MGAT5: variants seen among roughly 807,000 people sequenced by gnomAD.
The protein encoded by MGAT5 is alpha-1,6-mannosylglycoprotein 6-beta-N-acetylglucosaminyltransferase A.
A neutral mutation model predicts 94.3 loss-of-function variants in MGAT5; 30 were observed. That is an observed-to-expected ratio of 0.32 (90% CI 0.24 to 0.43). The LOEUF is 0.43. Among genes scored for constraint, MGAT5 ranks in the 20% least tolerant of loss-of-function variants. The pLI, the probability that MGAT5 is intolerant of heterozygous loss-of-function variation, is 1.00. For synonymous variants in MGAT5, 310 were observed against 322.9 expected (o/e 0.96, Z 0.43); for missense variants, 691 against 905.5 (o/e 0.76, Z 3.04).
At chr2:134,191,005 C>T (rs1274158220) in intron 1 of MGAT5, among the ~76,000 whole-genome samples, 2 of 152,178 alleles carry the variant, frequency 1.3e-5, no homozygotes, top group African/African-American at 4.8e-5. Flanking sequence ...CCAGGCTGGT[C>T]TCCAATTCCT....
chr2:134,419,898 G>A (rs1294981361), intron 12 of MGAT5, among the ~76,000 whole-genome samples: 1 of 152,092 alleles, frequency 6.6e-6, no homozygotes, highest in Non-Finnish European at 1.5e-5. Flanking sequence ...CCCTGATTCC[G>A]TCAGAAAATC....
chr2:134,317,672 T>G (rs987942106), intron 3 of MGAT5, 67 bp downstream of exon 3: 7 of 1,094,488 alleles, frequency 6.4e-6, no homozygotes, highest in Non-Finnish European at 8.9e-6. Context: ...TCTCTTCCTT[T>G]TCCTCCTCAG....
Position 134,451,452 on chromosome 2 carries a change from C to T in MGAT5, c.*2605C>T, listed in dbSNP as rs1686105393. 1 of 152,250 alleles carries T rather than the reference C, an allele frequency of 6.6e-6. No individual in the cohort carries two copies. Among genetic ancestry groups the T allele is most frequent in the African/African-American group, 2.4e-5 (1 of 41,452 alleles). The allele number at this position is 152,250 out of a possible 1,614,324, so 9.4% of individuals were successfully genotyped here. The stretch of plus-strand genomic sequence containing the variant: ...CCTGAATGTGTACTGGCTCCCAGGC[C>T]TCCTCAGACTTGGCCCAGGTCTAGT... On this transcript the variant is annotated 3_prime_UTR_variant, in exon 16 of 16. Coordinates refer to ENST00000281923, the MANE Select transcript of MGAT5 (RefSeq NM_002410.5).
intron 1 of MGAT5, among the ~76,000 whole-genome samples, chr2:134,165,875 G>A (rs1364943681): frequency 2.0e-5 from 3 of 152,184 alleles, no homozygotes; most frequent in Admixed American, 1.3e-4. Flanking sequence ...TGGCAGATGT[G>A]TGTTAAGATG....
chr2:134,255,780 A>T (rs908161212), intron 1 of MGAT5, among the ~76,000 whole-genome samples: 13 of 152,138 alleles, frequency 8.5e-5, no homozygotes, highest in African/African-American at 3.1e-4. Context: ...CCACTCAAGG[A>T]AGGTGCCCTG....
intron 4 of MGAT5, 33 bp downstream of exon 4, chr2:134,318,772 T>C: frequency 6.8e-7 from 1 of 1,466,852 alleles, no homozygotes; most frequent in South Asian, 1.1e-5. Flanking sequence ...TGGGGGTAGA[T>C]GTGACTGGTT....
intron 15 of MGAT5, 102 bp from the exon 16 acceptor site, chr2:134,448,547 G>C: frequency 9.4e-7 from 1 of 1,066,442 alleles, no homozygotes; most frequent in East Asian, 2.4e-5. Flanking sequence ...CAAGACAACT[G>C]AACATCCCCC....
chr2:134,120,074 C>G (rs903621012), upstream of MGAT5: 7 of 152,296 alleles, frequency 4.6e-5, no homozygotes, highest in African/African-American at 1.7e-4. Context: ...TGAGTGTGGA[C>G]GCGCCGCGCG....
chr2:134,289,163 A>G (rs57429690), intron 2 of MGAT5, among the ~76,000 whole-genome samples: 2,666 of 151,880 alleles, frequency 0.018, 89 homozygotes, highest in African/African-American at 0.061. Context: ...TGCTTGCCCT[A>G]TAGGTTGGGC....
chr2:134,291,873 G>GT (rs1405590850), intron 2 of MGAT5, among the ~76,000 whole-genome samples: 1 of 152,196 alleles, frequency 6.6e-6, no homozygotes, highest in African/African-American at 2.4e-5. Flanking sequence ...CTCAAGTGGC[G>GT]TTAGGTATAG....
chr2:134,347,061 G>A (rs114639936), intron 8 of MGAT5, among the ~76,000 whole-genome samples: 1,572 of 152,284 alleles, frequency 0.01, 19 homozygotes, highest in Middle Eastern at 0.034. Flanking sequence ...TAAGTCATTA[G>A]TCGGCCTATG....
chr2:134,415,629 A>G (rs1449798358), intron 12 of MGAT5, among the ~76,000 whole-genome samples: 2 of 152,164 alleles, frequency 1.3e-5, no homozygotes, highest in African/African-American at 4.8e-5. Context: ...GTTTGATGCA[A>G]TCTCAGTTGC....
At chr2:134,149,534 A>G (rs1410818647) in intron 1 of MGAT5, among the ~76,000 whole-genome samples, 2 of 152,250 alleles carry the variant, frequency 1.3e-5, no homozygotes, top group Non-Finnish European at 2.9e-5. Flanking sequence ...TCAAGGCCAC[A>G]CAGATGTTGA....
At chr2:134,323,049 T>G (rs1412973054) in intron 4 of MGAT5, among the ~76,000 whole-genome samples, 1 of 152,212 alleles carries the variant, frequency 6.6e-6, no homozygotes, top group African/African-American at 2.4e-5. Context: ...GATGGTACTC[T>G]TCCTTCATTT....
chr2:134,181,273 C>T (rs6708117), intron 1 of MGAT5, among the ~76,000 whole-genome samples: 36,249 of 152,070 alleles, frequency 0.24, 5,385 homozygotes, highest in African/African-American at 0.4. Flanking sequence ...ATGCACAGGA[C>T]GGTCCCCACA....
intron 1 of MGAT5, among the ~76,000 whole-genome samples, chr2:134,192,804 G>A (rs146294242): frequency 1.7e-3 from 263 of 151,876 alleles, no homozygotes; most frequent in African/African-American, 6.0e-3. Flanking sequence ...ATTTATCATG[G>A]GAAAATGTTT....
chr2:134,267,505 C>T (rs1333039056), intron 1 of MGAT5, among the ~76,000 whole-genome samples: 2 of 152,134 alleles, frequency 1.3e-5, no homozygotes, highest in African/African-American at 2.4e-5. Context: ...ATTATGAATC[C>T]CCTTTTACAC....
At chr2:134,173,192 A>G (rs1198738468) in intron 1 of MGAT5, among the ~76,000 whole-genome samples, 2 of 152,186 alleles carry the variant, frequency 1.3e-5, no homozygotes, top group Non-Finnish European at 2.9e-5. Flanking sequence ...CCATCCTTTC[A>G]TGTCCCCCAT....
chr2:134,357,361 C>G (rs189634244), intron 9 of MGAT5, among the ~76,000 whole-genome samples: 3 of 152,264 alleles, frequency 2.0e-5, no homozygotes, highest in Admixed American at 2.0e-4. Flanking sequence ...GAATTTCTCC[C>G]AGGATTTGGG....
Sources: gnomAD v4.1 joint callset for allele counts (sites outside exome capture counted in the v4.1 genomes callset) on GRCh38, gnomAD v4.1.1 for gene constraint, MANE v1.5 for transcripts, NCBI Gene and HGNC (gene_info 2026-07-23, HGNC 2026-07-21) for gene names.